CPNE1: variants seen among roughly 807,000 people sequenced by gnomAD.
The protein encoded by CPNE1 is copine-1.
Under a neutral mutation model 63.2 loss-of-function variants are expected in CPNE1, and 58 were observed. The ratio of observed to expected loss-of-function variants is 0.92; its 90% CI spans 0.74 to 1.14. CPNE1 has a LOEUF of 1.14. Ranked by LOEUF, CPNE1 falls within the 50% of genes most tolerant of loss-of-function variation. The pLI is 0.00. For missense variants in CPNE1, 672 were observed against 661.7 expected (o/e 1.02, Z -0.17); for synonymous variants, 237 against 249.0 (o/e 0.95, Z 0.45).
intron 1 of CPNE1, among the ~76,000 whole-genome samples, chr20:35,633,539 C>T (rs1363633634): frequency 6.6e-6 from 1 of 152,176 alleles, no homozygotes; most frequent in Non-Finnish European, 1.5e-5. Context: ...TGTTTGTCAC[C>T]TGGCTTACAG....
intron 1 of CPNE1, among the ~76,000 whole-genome samples, chr20:35,658,610 A>C (rs1300960669): frequency 6.6e-6 from 1 of 152,020 alleles, no homozygotes; most frequent in African/African-American, 2.4e-5. Flanking sequence ...AATACAAAAA[A>C]ATTAGCCGGG....
intron 1 of CPNE1, chr20:35,649,674 C>G (rs1429070196): frequency 6.6e-6 from 1 of 152,212 alleles, no homozygotes; most frequent in Non-Finnish European, 1.5e-5. Flanking sequence ...CACTAAAGTT[C>G]AGAAAAGTTT....
At chr20:35,661,001 C>T (rs2034203401) in intron 1 of CPNE1, among the ~76,000 whole-genome samples, 1 of 152,188 alleles carries the variant, frequency 6.6e-6, no homozygotes, top group Non-Finnish European at 1.5e-5. Context: ...GGCTGAAAGG[C>T]CCAGCTGAAT....
intron 1 of CPNE1, among the ~76,000 whole-genome samples, chr20:35,637,968 T>C (rs1367076566): frequency 3.9e-5 from 6 of 152,208 alleles, no homozygotes; most frequent in Non-Finnish European, 2.9e-5. Flanking sequence ...GTAGGAACTC[T>C]GGCTAGCTCC....
chr20:35,626,252 G>T lies in CPNE1; in HGVS notation c.1603C>A (p.Pro535Thr). 1 of 1,614,148 alleles carries T rather than the reference G, an allele frequency of 6.2e-7. No individual in the cohort carries two copies. Among genetic ancestry groups the T allele is most frequent in the South Asian group, 1.1e-5 (1 of 91,078 alleles). Residue 535 changes from proline (P) to threonine (T), a missense_variant, in exon 16 of 16, where the codon CCC becomes ACC. By Grantham distance (38) the Pro-to-Thr change is conservative. Transcript: ENST00000397443. ...PPSAKDPAQA[P>T]QA ...GCCTCCAAGGGAACCTAGGCCTGGG[G>T]GGCCTGTGCAGGATCCTTGGCTGAG... is the stretch of plus-strand genomic sequence containing the variant.
chr20:35,650,332 G>A (rs1345736206), intron 1 of CPNE1: 2 of 152,226 alleles, frequency 1.3e-5, no homozygotes, highest in African/African-American at 4.8e-5. Flanking sequence ...GCAATAAAGT[G>A]TATGAAATAT....
intron 9 of CPNE1, 36 bp from the exon 10 acceptor site, chr20:35,631,209 G>A: frequency 6.2e-7 from 1 of 1,613,442 alleles, no homozygotes; most frequent in Non-Finnish European, 8.5e-7. Flanking sequence ...TGGGGTGATA[G>A]CAGTTGGTGT....
At chr20:35,636,692 G>T (rs2032504352) in intron 1 of CPNE1, among the ~76,000 whole-genome samples, 1 of 152,032 alleles carries the variant, frequency 6.6e-6, no homozygotes, top group Admixed American at 6.6e-5. Context: ...AGCTACTCGG[G>T]AGCCAGGAGA....
intron 1 of CPNE1, among the ~76,000 whole-genome samples, chr20:35,646,786 T>A (rs2033129489): frequency 6.6e-6 from 1 of 152,198 alleles, no homozygotes; most frequent in South Asian, 2.1e-4. Context: ...CTGTTCATAC[T>A]GAATTATGTT....
chr20:35,662,473 C>A (rs2034284682), intron 1 of CPNE1, among the ~76,000 whole-genome samples: 1 of 152,118 alleles, frequency 6.6e-6, no homozygotes, highest in Non-Finnish European at 1.5e-5. Context: ...AACAATATTC[C>A]TTTACTCCAT....
rs756243332 is a variant in CPNE1, at chr20:35,626,355, G to C, written c.1500C>G (p.Thr500=). ...GTTGTGTGGGCACTTCTGCGAGCAC[G>C]GTCTGTGCCAATGCCTCCCGAGGGG... is the stretch of plus-strand genomic sequence containing the variant. ...QNAPREALAQ[T]VLAEVPTQLV... Residue 500 remains threonine (T), a synonymous_variant, in exon 16 of 16, where the codon ACC becomes ACG. Coordinates refer to ENST00000397443, the MANE Select transcript of CPNE1 (RefSeq NM_152925.3). 1 of 1,614,092 alleles carries C rather than the reference G, an allele frequency of 6.2e-7. No individual in the cohort carries two copies. The highest frequency in any genetic ancestry group is 2.2e-5 in the East Asian group (1 of 44,866).
chr20:35,663,725 G>C (rs1261443997), intron 1 of CPNE1, among the ~76,000 whole-genome samples: 1 of 152,076 alleles, frequency 6.6e-6, no homozygotes, highest in Admixed American at 6.6e-5. Flanking sequence ...TCACTATAAA[G>C]CACACGTTGG....
rs1362454530 is a variant in CPNE1 at position 35,662,323 on chromosome 20, ACT to A, written c.-1+2435_-1+2436del. 5.9e-5 allele frequency among the ~76,000 whole-genome samples: 9 copies of A among 152,166 alleles called. No individual in the cohort carries two copies. The South Asian group carries it at 1.5e-3, about 25-fold the overall frequency. On this transcript the variant is annotated intron_variant, in intron 1 of 15. Transcript: ENST00000397443. ...ACTTCTAACCTAAACAACCACATTC[ACT>A]CTGTTTTTGAGTCTTAAAAGCTGGC...
intron 1 of CPNE1, among the ~76,000 whole-genome samples, chr20:35,645,028 T>C (rs1238362195): frequency 6.6e-6 from 1 of 152,330 alleles, no homozygotes. Context: ...TTAATGTCTA[T>C]CACCTGTGGG....
At chr20:35,664,692 C>CCCGGG (rs1316094215) in intron 1 of CPNE1, 68 bp downstream of exon 1, 5 of 152,526 alleles carry the variant, frequency 3.3e-5, no homozygotes, top group African/African-American at 1.2e-4. Context: ...AAGGCCCCGC[C>CCCGGG]CCGGGCCACC....
chr20:35,648,268 T>TA (rs2033268571), intron 1 of CPNE1, among the ~76,000 whole-genome samples: 2 of 152,210 alleles, frequency 1.3e-5, no homozygotes, highest in African/African-American at 2.4e-5. Flanking sequence ...CCATTTTTAA[T>TA]AAAAAAGGAA....
At chr20:35,646,449 C>T (rs2033108875) in intron 1 of CPNE1, among the ~76,000 whole-genome samples, 1 of 145,570 alleles carries the variant, frequency 6.9e-6, no homozygotes, top group Non-Finnish European at 1.5e-5. Flanking sequence ...GTCTCAATTC[C>T]TGGGCTCAAG....
intron 1 of CPNE1, among the ~76,000 whole-genome samples, chr20:35,639,269 C>T (rs999369707): frequency 4.0e-5 from 6 of 151,768 alleles, no homozygotes; most frequent in African/African-American, 1.2e-4. Context: ...TCTGAAATGG[C>T]GGATATATGG....
At chr20:35,645,869 T>G (rs2033066892) in intron 1 of CPNE1, among the ~76,000 whole-genome samples, 1 of 152,038 alleles carries the variant, frequency 6.6e-6, no homozygotes, top group Non-Finnish European at 1.5e-5. Flanking sequence ...GAGTGTGGCA[T>G]TAACAAACTT....
Sources: gnomAD v4.1 joint callset for allele counts (sites outside exome capture counted in the v4.1 genomes callset) on GRCh38, gnomAD v4.1.1 for gene constraint, MANE v1.5 for transcripts, NCBI Gene and HGNC (gene_info 2026-07-23, HGNC 2026-07-21) for gene names.